Variants in DIPK1A observed in about 807,000 individuals in gnomAD.
DIPK1A encodes the protein family with sequence similarity 69 member A.
A neutral mutation model predicts 40.8 loss-of-function variants in DIPK1A; 27 were observed. That is an observed-to-expected ratio of 0.66 (90% CI 0.49 to 0.91). DIPK1A has a LOEUF of 0.91. DIPK1A is among the 40% of genes least tolerant of loss of function. DIPK1A has a pLI of 0.00. For missense variants in DIPK1A, 412 were observed against 505.7 expected (o/e 0.81, Z 1.78); for synonymous variants, 166 against 171.3 (o/e 0.97, Z 0.24).
intron 1 of DIPK1A, among the ~76,000 whole-genome samples, chr1:92,959,163 G>A (rs1651960050): frequency 6.6e-6 from 1 of 152,120 alleles, no homozygotes. Context: ...GTGTGCGCCT[G>A]TAGTCCCAGC....
At chr1:92,854,961 A>G (rs2100734810) in intron 2 of DIPK1A, among the ~76,000 whole-genome samples, 1 of 152,310 alleles carries the variant, frequency 6.6e-6, no homozygotes, top group East Asian at 1.9e-4. Context: ...AGGAAGTCAT[A>G]TCATATAGAC....
At chr1:92,872,629 G>A (rs963999461) in intron 2 of DIPK1A, among the ~76,000 whole-genome samples, 4 of 151,958 alleles carry the variant, frequency 2.6e-5, no homozygotes, top group Non-Finnish European at 5.9e-5. Flanking sequence ...CTCCAGAGAG[G>A]GTTTCCTTCT....
chr1:92,937,303 A>G (rs1489385615), intron 1 of DIPK1A, among the ~76,000 whole-genome samples: 3 of 130,534 alleles, frequency 2.3e-5, no homozygotes, highest in East Asian at 3.9e-4. Context: ...ACTAAAAAAT[A>G]TTAAAAAAAA....
chr1:92,896,889 A>C (rs1281042040), intron 1 of DIPK1A, among the ~76,000 whole-genome samples: 7 of 151,138 alleles, frequency 4.6e-5, no homozygotes, highest in Non-Finnish European at 8.9e-5. Flanking sequence ...ATGCAGCCAA[A>C]AGACACATGA....
intron 1 of DIPK1A, among the ~76,000 whole-genome samples, chr1:92,898,285 G>A (rs964914427): frequency 1.3e-5 from 2 of 152,042 alleles, no homozygotes; most frequent in African/African-American, 4.8e-5. Flanking sequence ...AGAGAGCAAC[G>A]GGGGAAGGGG....
At chr1:92,853,364 A>G (rs1280293240) in intron 2 of DIPK1A, among the ~76,000 whole-genome samples, 1 of 152,222 alleles carries the variant, frequency 6.6e-6, no homozygotes, top group East Asian at 1.9e-4. Context: ...GACATATCCC[A>G]CTGAGGTTCA....
In DIPK1A at chr1:92,889,568, T is replaced by C. The variant is rs151072718; in HGVS notation, c.55-13138A>G. ...GTATTTTGATAGGGATTGCACAGAA[T>C]CTGTAGATTGCTTTTGGTAGTATGG... is the stretch of plus-strand genomic sequence containing the variant. On this transcript the variant is annotated intron_variant, in intron 1 of 4. Transcript: ENST00000370310. Among the ~76,000 whole-genome samples the C allele has an allele frequency of 5.1e-3, 771 of 152,322 alleles. 3 individuals carry two copies. Among genetic ancestry groups the C allele is most frequent in the Non-Finnish European group, 8.9e-3 (607 of 68,028 alleles).
chr1:92,941,483 T>C (rs1651147529), intron 1 of DIPK1A, among the ~76,000 whole-genome samples: 1 of 152,204 alleles, frequency 6.6e-6, no homozygotes, highest in African/African-American at 2.4e-5. Flanking sequence ...GAAACTAATA[T>C]TGCAAAAAAC....
intron 2 of DIPK1A, among the ~76,000 whole-genome samples, chr1:92,873,564 G>A (rs573291945): frequency 1.0e-4 from 15 of 149,770 alleles, no homozygotes; most frequent in South Asian, 6.3e-4. Context: ...GCAGTGAGCC[G>A]AGATTGCACC....
chr1:92,936,629 CAA>C (rs754629896), intron 1 of DIPK1A, among the ~76,000 whole-genome samples: 10 of 102,204 alleles, frequency 9.8e-5, no homozygotes, highest in Admixed American at 2.1e-4. Context: ...AACTCCGTCT[CAA>C]AAAAAAAAAA....
At chr1:92,884,986 G>A (rs1206659447) in intron 1 of DIPK1A, among the ~76,000 whole-genome samples, 1 of 152,106 alleles carries the variant, frequency 6.6e-6, no homozygotes, top group Non-Finnish European at 1.5e-5. Flanking sequence ...CTGTGAGATT[G>A]GTGAAAGAGG....
intron 1 of DIPK1A, among the ~76,000 whole-genome samples, chr1:92,877,480 A>C (rs775377440): frequency 2.0e-5 from 3 of 152,220 alleles, no homozygotes; most frequent in African/African-American, 4.8e-5. Context: ...GAAAGAGATG[A>C]GAGAGACATA....
At chr1:92,876,176 T>A (rs935102833) in intron 2 of DIPK1A, 120 bp downstream of exon 2, 4 of 640,790 alleles carry the variant, frequency 6.2e-6, no homozygotes, top group Non-Finnish European at 9.3e-6. Context: ...CTAAGAAGAT[T>A]AGCACAATTC....
chr1:92,873,608 C>T (rs1268558624), intron 2 of DIPK1A, among the ~76,000 whole-genome samples: 2 of 145,546 alleles, frequency 1.4e-5, no homozygotes, highest in Non-Finnish European at 3.0e-5. Context: ...GAGCAAAACT[C>T]TGTCTCAAAA....
intron 1 of DIPK1A, among the ~76,000 whole-genome samples, chr1:92,938,141 G>A (rs1457849207): frequency 6.6e-6 from 1 of 152,024 alleles, no homozygotes; most frequent in Non-Finnish European, 1.5e-5. Flanking sequence ...GCATGGTGGT[G>A]CACACCTGTA....
At chr1:92,902,415 G>T (rs1034913253) in intron 1 of DIPK1A, among the ~76,000 whole-genome samples, 3 of 152,184 alleles carry the variant, frequency 2.0e-5, no homozygotes, top group Admixed American at 6.5e-5. Context: ...ATGAAGGGGA[G>T]CTGTGGCTAC....
chr1:92,906,248 C>G (rs957206638), intron 1 of DIPK1A, among the ~76,000 whole-genome samples: 1 of 152,112 alleles, frequency 6.6e-6, no homozygotes, highest in African/African-American at 2.4e-5. Context: ...CCTAACATTA[C>G]TAGCCATTAA....
At chr1:92,842,015 C>A (rs1034631390), downstream of DIPK1A, 2 of 798,580 alleles carry the variant, frequency 2.5e-6, no homozygotes, top group Non-Finnish European at 1.9e-6. Flanking sequence ...TTTTTTTCTC[C>A]AAGAAAACAA....
At chr1:92,837,552 G>C (rs1345401244), downstream of DIPK1A, 1 of 1,611,998 alleles carries the variant, frequency 6.2e-7, no homozygotes, top group East Asian at 2.2e-5. Context: ...CAGATTACAT[G>C]CGCTACTTAA....
Sources: gnomAD v4.1 joint callset for allele counts (sites outside exome capture counted in the v4.1 genomes callset) on GRCh38, gnomAD v4.1.1 for gene constraint, MANE v1.5 for transcripts, NCBI Gene and HGNC (gene_info 2026-07-23, HGNC 2026-07-21) for gene names.